The following AGBL3 variants were observed in gnomAD, a reference collection of about 807,000 sequenced individuals.
AGBL3 encodes AGBL carboxypeptidase 3.
Under a neutral mutation model 94.5 loss-of-function variants are expected in AGBL3, and 68 were observed. The observed-to-expected ratio is 0.72, with a 90% CI of 0.59 to 0.88. The LOEUF is 0.88. Ranked by LOEUF, AGBL3 falls within the 40% of genes least tolerant of loss-of-function variation. The pLI is 0.00. For synonymous variants in AGBL3, 354 were observed against 370.7 expected (o/e 0.95, Z 0.52); for missense variants, 934 against 1,103.8 (o/e 0.85, Z 2.18).
At chr7:135,055,629 A>C (rs981767916) in intron 11 of AGBL3, among the ~76,000 whole-genome samples, 2 of 152,174 alleles carry the variant, frequency 1.3e-5, no homozygotes, top group African/African-American at 4.8e-5. Context: ...GTCATGGTGT[A>C]TAATTCTTTT....
chr7:135,010,092 G>A (rs774781697), intron 4 of AGBL3: 11 of 420,246 alleles, frequency 2.6e-5, no homozygotes, highest in South Asian at 1.2e-4. Context: ...GCAGTGGTGC[G>A]ATCTCGGCTC....
chr7:135,058,056 T>A (rs1818490568), intron 11 of AGBL3, among the ~76,000 whole-genome samples: 1 of 152,114 alleles, frequency 6.6e-6, no homozygotes, highest in African/African-American at 2.4e-5. Context: ...ACCACAAGAG[T>A]AAACCCTAAG....
At chr7:135,071,638 C>A (rs1047145397) in intron 12 of AGBL3, among the ~76,000 whole-genome samples, 2 of 152,086 alleles carry the variant, frequency 1.3e-5, no homozygotes, top group Non-Finnish European at 2.9e-5. Flanking sequence ...CTTTGACAAA[C>A]CTGACAAAAA....
chr7:135,128,990 G>A (rs1828347422), intron 16 of AGBL3: 1 of 1,594,078 alleles, frequency 6.3e-7, no homozygotes, highest in Non-Finnish European at 8.6e-7. Context: ...GCAGGCATGT[G>A]TACTGCAAAG....
intron 15 of AGBL3, among the ~76,000 whole-genome samples, chr7:135,091,879 T>C (rs997379931): frequency 6.6e-6 from 1 of 152,110 alleles, no homozygotes; most frequent in Non-Finnish European, 1.5e-5. Flanking sequence ...AAAATAAGAG[T>C]GAGATGGATT....
chr7:135,107,941 A>C (rs1372222513), intron 15 of AGBL3, among the ~76,000 whole-genome samples: 1 of 152,048 alleles, frequency 6.6e-6, no homozygotes, highest in Non-Finnish European at 1.5e-5. Context: ...TTCTTGTTGA[A>C]TTGAGCCCTG....
At chr7:135,085,628 G>A (rs1166556421) in intron 15 of AGBL3, among the ~76,000 whole-genome samples, 1 of 151,930 alleles carries the variant, frequency 6.6e-6, no homozygotes, top group Non-Finnish European at 1.5e-5. Flanking sequence ...GAATGTTCTT[G>A]GCACCTTTGT....
chr7:135,070,234 T>C (rs1260372656), intron 12 of AGBL3, among the ~76,000 whole-genome samples: 1 of 152,144 alleles, frequency 6.6e-6, no homozygotes, highest in African/African-American at 2.4e-5. Flanking sequence ...CAATAATTAA[T>C]AGCTTACCAA....
At chr7:135,067,918 T>A (rs1411701034) in intron 12 of AGBL3, among the ~76,000 whole-genome samples, 1 of 152,028 alleles carries the variant, frequency 6.6e-6, no homozygotes, top group Non-Finnish European at 1.5e-5. Context: ...AGAAGAAGGC[T>A]TCAGACAATC....
chr7:134,987,793 A>C (rs1480604340), intron 1 of AGBL3, 82 bp from the exon 2 acceptor site: 1 of 630,364 alleles, frequency 1.6e-6, no homozygotes, highest in Non-Finnish European at 2.8e-6. Context: ...TGTTAAATAC[A>C]ATTGAATATA....
intron 5 of AGBL3, among the ~76,000 whole-genome samples, chr7:135,023,645 A>G (rs562257679): frequency 6.6e-6 from 1 of 152,272 alleles, no homozygotes; most frequent in Non-Finnish European, 1.5e-5. Flanking sequence ...AAGGCCCCCT[A>G]TGTTCCTCTG....
chr7:135,032,919 G>A lies in AGBL3; in HGVS notation c.494G>A (p.Arg165His), dbSNP rs544646807. 1.1e-4 allele frequency: 168 copies of A among 1,551,598 alleles called. No homozygotes were observed. Among genetic ancestry groups the A allele is most frequent in the Middle Eastern group, 1.7e-4 (1 of 5,996 alleles). Residue 165 changes from arginine (R) to histidine (H), a missense_variant, in exon 6 of 17, where the codon CGT becomes CAT. Around this residue, in one of 3 missense-constraint regions of AGBL3, gnomAD observed 488 missense variants for 563.6 expected, o/e 0.87. Transcript: ENST00000436302. ...RTPLKQPVDYRDNTLMFEARF... is the reference protein window; with the variant it reads ...RTPLKQPVDYHDNTLMFEARF... ...CCTTTGAAGCAGCCTGTGGATTACCGTGACAATACTTTGATGTTTGAAGCA... is the reference window on the plus strand; with the variant it reads ...CCTTTGAAGCAGCCTGTGGATTACCATGACAATACTTTGATGTTTGAAGCA...
chr7:135,012,621 C>T (rs1205917385), intron 4 of AGBL3: 1 of 151,840 alleles, frequency 6.6e-6, no homozygotes, highest in Non-Finnish European at 1.5e-5. Flanking sequence ...AGTAAAATGT[C>T]CAGAAATAGA....
intron 11 of AGBL3, 70 bp downstream of exon 11, chr7:135,045,981 C>A (rs953792111): frequency 4.8e-6 from 5 of 1,047,596 alleles, no homozygotes; most frequent in Admixed American, 5.4e-5. Flanking sequence ...ATTATACCAG[C>A]ATTTTATTGT....
At chr7:135,111,672 C>T (rs183110126) in intron 15 of AGBL3, among the ~76,000 whole-genome samples, 37 of 152,254 alleles carry the variant, frequency 2.4e-4, no homozygotes, top group Non-Finnish European at 4.4e-5. Context: ...CCTGGTTTTA[C>T]TCCTGTTTCT....
intron 11 of AGBL3, among the ~76,000 whole-genome samples, chr7:135,052,294 T>C (rs1040406364): frequency 6.6e-6 from 1 of 152,204 alleles, no homozygotes; most frequent in Non-Finnish European, 1.5e-5. Context: ...TGGAAATCAC[T>C]GTAGATTTTT....
At chr7:135,064,039 G>A (rs1819065572) in intron 12 of AGBL3, among the ~76,000 whole-genome samples, 1 of 152,126 alleles carries the variant, frequency 6.6e-6, no homozygotes, top group Non-Finnish European at 1.5e-5. Flanking sequence ...GAGTTCAAGA[G>A]GGCAAGACAA....
At chr7:135,072,662 G>C (rs1294745473) in intron 12 of AGBL3, among the ~76,000 whole-genome samples, 1 of 150,958 alleles carries the variant, frequency 6.6e-6, no homozygotes, top group African/African-American at 2.4e-5. Flanking sequence ...ACTATCACAA[G>C]GACAAAAAAC....
chr7:135,080,289 A>G, intron 14 of AGBL3, 29 bp downstream of exon 14: 1 of 1,532,202 alleles, frequency 6.5e-7, no homozygotes, highest in Non-Finnish European at 8.8e-7. Flanking sequence ...CTTCTCATAA[A>G]CAATTAATTC....
Sources: allele counts gnomAD v4.1 joint callset (sites outside exome capture counted in the v4.1 genomes callset), GRCh38; gene constraint gnomAD v4.1.1; regional missense constraint gnomAD v4.1.1; transcripts MANE v1.5; gene names NCBI Gene and HGNC (gene_info 2026-07-23, HGNC 2026-07-21).